The following GATB variants were observed in gnomAD, a reference collection of about 807,000 sequenced individuals.
The protein encoded by GATB is glutamyl-tRNA amidotransferase subunit B, also known as glutamyl-tRNA(Gln) amidotransferase subunit B, mitochondrial.
Under a neutral mutation model 62.3 loss-of-function variants are expected in GATB, and 39 were observed. The observed-to-expected ratio is 0.63, with a 90% CI of 0.48 to 0.82. The LOEUF is 0.82. Among genes scored for constraint, GATB ranks in the 40% least tolerant of loss-of-function variants. GATB has a pLI of 0.00. For synonymous variants in GATB, 276 were observed against 258.9 expected (o/e 1.07, Z -0.63); for missense variants, 670 against 684.0 (o/e 0.98, Z 0.23).
In GATB at chr4:151,716,063, T is replaced by C. The variant is rs1310493062; in HGVS notation, c.709A>G (p.Arg237Gly). The C allele has an allele frequency of 2.4e-5, 38 of 1,613,856 alleles. No homozygotes were observed. Among genetic ancestry groups the C allele is most frequent in the African/African-American group, 1.5e-4 (11 of 74,902 alleles). The change falls in exon 5 of 13, where the codon AGG (arginine) becomes GGG (glycine). Residue 237 changes from arginine (R) to glycine (G), a missense_variant. Arg to Gly is a moderately radical substitution (Grantham distance 125). Transcript: ENST00000263985. The stretch of plus-strand genomic sequence containing the variant: ...GCTTGAAGGATCAGCTGCAGCTCCC[T>C]GACAGCTGTTGCCGCCTCTTCTCCA... ...SCGEEAATAVRELQLILQALG... is the reference protein window; with the variant it reads ...SCGEEAATAVGELQLILQALG...
At chr4:151,733,718 C>T (rs1022651680) in intron 2 of GATB, among the ~76,000 whole-genome samples, 8 of 152,128 alleles carry the variant, frequency 5.3e-5, no homozygotes, top group South Asian at 4.2e-4. Flanking sequence ...ACTAGCTATC[C>T]GAATCTAACA....
intron 10 of GATB, among the ~76,000 whole-genome samples, chr4:151,683,466 G>A (rs1368698002): frequency 6.6e-6 from 1 of 152,154 alleles, no homozygotes; most frequent in Non-Finnish European, 1.5e-5. Flanking sequence ...CATGCCAGGT[G>A]GCTCCGGTGT....
At chr4:151,707,910 A>T in intron 6 of GATB, 78 bp downstream of exon 6, 1 of 932,544 alleles carries the variant, frequency 1.1e-6, no homozygotes, top group Non-Finnish European at 1.7e-6. Context: ...GTAAGCCACT[A>T]AGTTTCTGGG....
chr4:151,749,616 AC>A (rs1739672919), intron 2 of GATB, among the ~76,000 whole-genome samples: 1 of 135,476 alleles, frequency 7.4e-6, no homozygotes, highest in Non-Finnish European at 1.5e-5. Flanking sequence ...GTGCACACGT[AC>A]CCTAGAACTT....
intron 2 of GATB, among the ~76,000 whole-genome samples, chr4:151,733,530 A>G (rs1739309978): frequency 6.6e-6 from 1 of 152,248 alleles, no homozygotes; most frequent in Non-Finnish European, 1.5e-5. Context: ...GAAGAATTCT[A>G]CCAGACATTC....
intron 11 of GATB, chr4:151,678,032 A>G (rs1738045101): frequency 6.6e-6 from 1 of 152,118 alleles, no homozygotes; most frequent in Admixed American, 6.6e-5. Context: ...TACATTACTT[A>G]TATTTTTTTA....
intron 10 of GATB, among the ~76,000 whole-genome samples, chr4:151,681,017 CTGTGTAAATGAGGGCT>C (rs1738127599): frequency 6.6e-6 from 1 of 152,210 alleles, no homozygotes; most frequent in South Asian, 2.1e-4. Context: ...TAGTGTTACA[CTGTGTAAATGAGGGCT>C]TCTGAAATGC....
At chr4:151,683,927 A>G (rs1174878466) in intron 10 of GATB, among the ~76,000 whole-genome samples, 1 of 152,112 alleles carries the variant, frequency 6.6e-6, no homozygotes, top group African/African-American at 2.4e-5. Context: ...TTTATTCATC[A>G]CCTACTCCCT....
intron 9 of GATB, among the ~76,000 whole-genome samples, chr4:151,696,341 T>C (rs1362665718): frequency 6.6e-6 from 1 of 152,236 alleles, no homozygotes; most frequent in Non-Finnish European, 1.5e-5. Context: ...TGAATCTATG[T>C]TCTGTGATTG....
At chr4:151,738,575 C>A in intron 2 of GATB, among the ~76,000 whole-genome samples, 1 of 152,146 alleles carries the variant, frequency 6.6e-6, no homozygotes, top group East Asian at 1.9e-4. Context: ...ATGACTAATA[C>A]AAGTATTATA....
intron 2 of GATB, among the ~76,000 whole-genome samples, chr4:151,751,514 T>C (rs1739720508): frequency 6.6e-6 from 1 of 152,162 alleles, no homozygotes; most frequent in Non-Finnish European, 1.5e-5. Flanking sequence ...CTCCAATCAG[T>C]GGCCAAAAAT....
In GATB at chr4:151,760,930, G is replaced by C; in HGVS notation, c.53C>G (p.Ala18Gly). The C allele has an allele frequency of 6.2e-7, 1 of 1,613,850 alleles. No individual in the cohort carries two copies. ...GTGGCAAGAACCACCGTCAACCCGGGCGAAAGCCCAACGTCTTCCACGGCA... is the reference window on the plus strand; with the variant it reads ...GTGGCAAGAACCACCGTCAACCCGGCCGAAAGCCCAACGTCTTCCACGGCA... Reference protein sequence around the residue: ...WGCRGRRWAFARVDGGSCHRR... With the variant: ...WGCRGRRWAFGRVDGGSCHRR... Residue 18 changes from alanine (A) to glycine (G), a missense_variant, in exon 1 of 13, where the codon GCC (alanine) becomes GGC (glycine). Coordinates refer to ENST00000263985, the MANE Select transcript of GATB (RefSeq NM_004564.3).
intron 2 of GATB, chr4:151,722,664 C>T (rs551092446): frequency 1.9e-5 from 3 of 161,046 alleles, no homozygotes; most frequent in East Asian, 3.7e-4. Flanking sequence ...ACCTTCTACA[C>T]ACTCCCATTG....
At position 151,716,107 on chromosome 4, in the gene GATB, A is replaced by G; in HGVS notation, c.665T>C (p.Leu222Pro). Residue 222 changes from leucine (L) to proline (P), a missense_variant, in exon 5 of 13, where the codon CTG (leucine) becomes CCG (proline). Transcript: ENST00000263985. ...TTCTCCACAGGACATGTCGGGCTCC[A>G]GGACCACCTCCAGAAGGCCCACTCC... ...RAGVGLLEVVLEPDMSCGEEA... is the reference protein window; with the variant it reads ...RAGVGLLEVVPEPDMSCGEEA... 6.2e-7 allele frequency: 1 copy of G among 1,613,874 alleles called. No individual in the cohort carries two copies. Among genetic ancestry groups the G allele is most frequent in the Non-Finnish European group, 8.5e-7 (1 of 1,179,934 alleles).
intron 3 of GATB, among the ~76,000 whole-genome samples, chr4:151,718,541 G>A (rs1325283472): frequency 6.6e-6 from 1 of 152,172 alleles, no homozygotes; most frequent in Non-Finnish European, 1.5e-5. Context: ...CTACCAAACA[G>A]TAGACTTGCT....
In GATB at chr4:151,701,288, C is replaced by T. The variant is rs143760680; in HGVS notation, c.1197+41G>A. 1.2e-3 allele frequency: 1,816 copies of T among 1,466,026 alleles called. 41 individuals carry two copies. The East Asian group carries it at 0.032, about 26-fold the overall frequency. 90.8% of individuals were successfully genotyped at this position (1,466,026 alleles called of 1,614,324 possible). The stretch of plus-strand genomic sequence containing the variant: ...GGGCCTCTGAAGGGCACTGCCCCAT[C>T]TGCTGAGCCGGGATCCTCTTGGCAT... On this transcript the variant is annotated intron_variant, in intron 9 of 12. Coordinates refer to ENST00000263985, the MANE Select transcript of GATB (RefSeq NM_004564.3).
At chr4:151,678,707 G>T (rs1453338866) in intron 11 of GATB, among the ~76,000 whole-genome samples, 3 of 152,130 alleles carry the variant, frequency 2.0e-5, no homozygotes, top group Non-Finnish European at 4.4e-5. Context: ...TCCCAAAGCA[G>T]CCACTTTCCC....
chr4:151,719,562 C>CCT, intron 2 of GATB, 24 bp from the exon 3 acceptor site: 1 of 1,471,904 alleles, frequency 6.8e-7, no homozygotes, highest in Non-Finnish European at 9.3e-7. Flanking sequence ...ACACACAGTT[C>CCT]CTCTCAGAAC....
chr4:151,677,745 G>GC (rs1560839930), intron 11 of GATB: 2 of 152,100 alleles, frequency 1.3e-5, no homozygotes, highest in East Asian at 3.9e-4. Context: ...GATGCGTGCC[G>GC]CAACACAGAT....
Sources: gnomAD v4.1 joint callset for allele counts (sites outside exome capture counted in the v4.1 genomes callset) on GRCh38, gnomAD v4.1.1 for gene constraint, MANE v1.5 for transcripts, NCBI Gene and HGNC (gene_info 2026-07-23, HGNC 2026-07-21) for gene names.